Variants in EYS observed in about 807,000 individuals in gnomAD.
EYS encodes protein eyes shut homolog.
In EYS, 250 loss-of-function variants were observed where a neutral mutation model predicts 282.1. The ratio of observed to expected loss-of-function variants is 0.89; its 90% CI spans 0.80 to 0.98. EYS has a LOEUF of 0.98. EYS is among the 50% of genes least tolerant of loss of function. EYS has a pLI of 0.00. For missense variants in EYS, 4,016 were observed against 3,709.0 expected (o/e 1.08, Z -2.15); for synonymous variants, 1,355 against 1,282.9 (o/e 1.06, Z -1.20).
intron 12 of EYS, among the ~76,000 whole-genome samples, chr6:65,194,465 T>C (rs1227247489): frequency 6.6e-6 from 1 of 152,022 alleles, no homozygotes; most frequent in Non-Finnish European, 1.5e-5. Flanking sequence ...TAAAATGTGA[T>C]ATAATAAATT....
chr6:65,655,234 C>T (rs1050974522), intron 1 of EYS, among the ~76,000 whole-genome samples: 1 of 151,410 alleles, frequency 6.6e-6, no homozygotes, highest in African/African-American at 2.4e-5. Context: ...TATTTAAATA[C>T]TCTGCCATCA....
chr6:64,426,941 AT>A (rs1272800914), intron 28 of EYS, among the ~76,000 whole-genome samples: 26 of 152,132 alleles, frequency 1.7e-4, no homozygotes, highest in Non-Finnish European at 2.9e-5. Flanking sequence ...ATTTTGCATA[AT>A]ATTATTGCAT....
intron 7 of EYS, among the ~76,000 whole-genome samples, chr6:65,385,562 C>T (rs1765768620): frequency 6.6e-6 from 1 of 151,874 alleles, no homozygotes; most frequent in South Asian, 2.1e-4. Flanking sequence ...CTTAAGTTCT[C>T]ATTCAATTAT....
chr6:64,777,027 C>A (rs1214750301), intron 22 of EYS, among the ~76,000 whole-genome samples: 1 of 152,160 alleles, frequency 6.6e-6, no homozygotes, highest in Admixed American at 6.5e-5. Flanking sequence ...CACAGGAGAG[C>A]AGGAGAGAGA....
chr6:64,450,820 A>G (rs1240367647), intron 26 of EYS, among the ~76,000 whole-genome samples: 2 of 152,192 alleles, frequency 1.3e-5, no homozygotes, highest in South Asian at 2.1e-4. Flanking sequence ...GAGAACAAAG[A>G]CACAACATAT....
At chr6:64,630,781 G>C (rs764809071) in intron 22 of EYS, among the ~76,000 whole-genome samples, 1 of 152,070 alleles carries the variant, frequency 6.6e-6, no homozygotes, top group Non-Finnish European at 1.5e-5. Flanking sequence ...TACATTCTTA[G>C]CTTGAATGGA....
intron 35 of EYS, among the ~76,000 whole-genome samples, chr6:63,921,049 C>A (rs143775057): frequency 6.6e-6 from 1 of 152,144 alleles, no homozygotes; most frequent in Non-Finnish European, 1.5e-5. Context: ...CTGGCCACCA[C>A]ACCTGGCTAA....
chr6:63,811,569 C>T (rs988989939), intron 36 of EYS, among the ~76,000 whole-genome samples: 1 of 152,084 alleles, frequency 6.6e-6, no homozygotes, highest in Non-Finnish European at 1.5e-5. Context: ...TCATGAGTAC[C>T]GTTTACAGGT....
intron 31 of EYS, among the ~76,000 whole-genome samples, chr6:64,191,875 C>T (rs1220591663): frequency 2.7e-5 from 4 of 150,890 alleles, no homozygotes; most frequent in Non-Finnish European, 5.9e-5. Flanking sequence ...AATGGTATTT[C>T]TAGTTCAAGA....
chr6:64,653,170 A>G (rs1671456542), intron 22 of EYS, among the ~76,000 whole-genome samples: 1 of 152,108 alleles, frequency 6.6e-6, no homozygotes. Context: ...ACACAGGGAG[A>G]CCACCATCTA....
In EYS at chr6:65,674,446, G is replaced by A. The variant is rs150361410; in HGVS notation, c.-448+32689C>T. ...AGCCTGAGTGACAGAGCAAGACTCCGTCTCAAAAAAAAAAAAAAAAAAAAA... is the reference window on the plus strand; with the variant it reads ...AGCCTGAGTGACAGAGCAAGACTCCATCTCAAAAAAAAAAAAAAAAAAAAA... On this transcript the variant is annotated intron_variant, in intron 1 of 42. Coordinates refer to ENST00000503581, the MANE Select transcript of EYS (RefSeq NM_001142800.2). Among the ~76,000 whole-genome samples the A allele has an allele frequency of 8.1e-3, 667 of 82,366 alleles. 8 individuals carry two copies. Among genetic ancestry groups the A allele is most frequent in the African/African-American group, 0.032 (626 of 19,298 alleles). 54.0% of individuals were successfully genotyped at this position (82,366 alleles called of 152,430 possible). A position where few individuals can be genotyped will look rare whatever the true frequency, so the allele number is the denominator to read the frequency against.
chr6:64,525,497 G>C (rs534053918), intron 26 of EYS, among the ~76,000 whole-genome samples: 1 of 151,398 alleles, frequency 6.6e-6, no homozygotes, highest in South Asian at 2.1e-4. Flanking sequence ...ACAAAAGGGG[G>C]GCAATAGACA....
At chr6:65,305,309 T>C (rs753623941) in intron 11 of EYS, among the ~76,000 whole-genome samples, 39 of 151,592 alleles carry the variant, frequency 2.6e-4, no homozygotes, top group Non-Finnish European at 5.2e-4. Context: ...TTCTCCTTTG[T>C]TGTATTCTTT....
At chr6:65,186,038 C>A (rs531539817) in intron 12 of EYS, among the ~76,000 whole-genome samples, 2 of 151,604 alleles carry the variant, frequency 1.3e-5, no homozygotes, top group African/African-American at 2.4e-5. Context: ...CTACAATTCC[C>A]GAACTATAAA....
intron 31 of EYS, among the ~76,000 whole-genome samples, chr6:64,096,827 T>A (rs1772635957): frequency 6.6e-6 from 1 of 152,232 alleles, no homozygotes; most frequent in African/African-American, 2.4e-5. Context: ...GGAGAGCTGC[T>A]CTGGTTTTTA....
chr6:64,766,319 T>C (rs1327996174), intron 22 of EYS, among the ~76,000 whole-genome samples: 1 of 151,630 alleles, frequency 6.6e-6, no homozygotes, highest in Non-Finnish European at 1.5e-5. Context: ...TTTCTCTATT[T>C]ATTTATATTT....
At chr6:63,989,408 A>G (rs1381742610) in intron 34 of EYS, among the ~76,000 whole-genome samples, 1 of 151,714 alleles carries the variant, frequency 6.6e-6, no homozygotes, top group African/African-American at 2.4e-5. Flanking sequence ...AAGGGAAATA[A>G]GTGAAAAGGG....
At chr6:65,029,431 A>G (rs1437813477) in intron 13 of EYS, among the ~76,000 whole-genome samples, 1 of 152,202 alleles carries the variant, frequency 6.6e-6, no homozygotes, top group Non-Finnish European at 1.5e-5. Flanking sequence ...ATATACACTC[A>G]TATCAGATTT....
chr6:64,396,668 G>A (rs572772812), intron 28 of EYS, among the ~76,000 whole-genome samples: 2 of 152,148 alleles, frequency 1.3e-5, no homozygotes, highest in East Asian at 3.9e-4. Flanking sequence ...ATGAGTGGAA[G>A]AAAACTATCC....
Sources: gnomAD v4.1 joint callset for allele counts (sites outside exome capture counted in the v4.1 genomes callset) on GRCh38, gnomAD v4.1.1 for gene constraint, MANE v1.5 for transcripts, NCBI Gene and HGNC (gene_info 2026-07-23, HGNC 2026-07-21) for gene names.